ARHGAP12: variants seen among roughly 807,000 people sequenced by gnomAD.
The protein encoded by ARHGAP12 is Rho GTPase activating protein 12, also known as rho GTPase-activating protein 12.
Under a neutral mutation model 108.6 loss-of-function variants are expected in ARHGAP12, and 64 were observed. That is an observed-to-expected ratio of 0.59 (90% CI 0.48 to 0.73). The LOEUF (loss-of-function observed/expected upper bound fraction) is 0.73. Among genes scored for constraint, ARHGAP12 ranks in the 30% least tolerant of loss-of-function variants. ARHGAP12 has a pLI of 0.00. For synonymous variants in ARHGAP12, 312 were observed against 337.2 expected (o/e 0.93, Z 0.82); for missense variants, 940 against 1,005.9 (o/e 0.93, Z 0.89).
At chr10:31,892,717 A>T (rs74541695) in intron 3 of ARHGAP12, among the ~76,000 whole-genome samples, 2 of 152,220 alleles carry the variant, frequency 1.3e-5, no homozygotes, top group African/African-American at 4.8e-5. Context: ...TAACAAGCAT[A>T]TCCAGGAATT....
At chr10:31,911,845 T>C (rs924110721) in intron 1 of ARHGAP12, among the ~76,000 whole-genome samples, 2 of 152,188 alleles carry the variant, frequency 1.3e-5, no homozygotes, top group African/African-American at 4.8e-5. Context: ...GACATTCTAT[T>C]AGACAACAGA....
At position 31,810,702 on chromosome 10, in the gene ARHGAP12, TTCTC is replaced by T; in HGVS notation, c.1993_1996del (p.Glu665MetfsTer8). 6.2e-7 allele frequency: 1 copy of T among 1,609,222 alleles called. No homozygotes were observed. The highest frequency in any genetic ancestry group is 8.5e-7 in the Non-Finnish European group (1 of 1,178,030). ...CTTCACAAACTTTGGTACTGTGCCATTCTCTCTCTGACACAGATTAGCGAGATTG... is the reference window on the plus strand; with the variant it reads ...CTTCACAAACTTTGGTACTGTGCCATTCTCTGACACAGATTAGCGAGATTG... On this transcript the variant is annotated frameshift_variant, in exon 16 of 20. Coordinates refer to ENST00000344936, the MANE Select transcript of ARHGAP12 (RefSeq NM_018287.7). LOFTEE classifies it high-confidence loss of function.
intron 3 of ARHGAP12, among the ~76,000 whole-genome samples, chr10:31,883,756 G>C (rs1739898884): frequency 6.7e-6 from 1 of 149,910 alleles, no homozygotes. Flanking sequence ...CTGTCACCCA[G>C]GCTGGAGTTC....
At chr10:31,907,677 C>A (rs899923785) in intron 3 of ARHGAP12, among the ~76,000 whole-genome samples, 1 of 150,916 alleles carries the variant, frequency 6.6e-6, no homozygotes, top group East Asian at 1.9e-4. Flanking sequence ...AAAAATTTTT[C>A]CAGACTAATA....
At chr10:31,838,934 G>A (rs574324806) in intron 9 of ARHGAP12, among the ~76,000 whole-genome samples, 1 of 151,946 alleles carries the variant, frequency 6.6e-6, no homozygotes, top group Non-Finnish European at 1.5e-5. Context: ...CCTGGTGGGG[G>A]AGGGGCAGGT....
At chr10:31,872,001 T>C (rs2132337426) in intron 3 of ARHGAP12, among the ~76,000 whole-genome samples, 1 of 152,334 alleles carries the variant, frequency 6.6e-6, no homozygotes, top group East Asian at 1.9e-4. Flanking sequence ...CTACAGCTCA[T>C]CATAGTACTT....
intron 6 of ARHGAP12, among the ~76,000 whole-genome samples, chr10:31,844,310 GAT>G (rs1836371763): frequency 6.6e-6 from 1 of 152,132 alleles, no homozygotes; most frequent in East Asian, 1.9e-4. Flanking sequence ...GATATTCTTT[GAT>G]ATATCTTTCC....
chr10:31,859,874 A>G (rs1295287230), intron 4 of ARHGAP12, among the ~76,000 whole-genome samples: 1 of 150,708 alleles, frequency 6.6e-6, no homozygotes, highest in East Asian at 1.9e-4. Context: ...GGCTCACTGC[A>G]GTCTCCACCT....
Position 31,841,565 on chromosome 10 carries a change from A to G in ARHGAP12, c.1297-1854T>C, listed in dbSNP as rs573226901. 2.0e-5 allele frequency among the ~76,000 whole-genome samples: 3 copies of G among 152,300 alleles called. No homozygotes were observed. The South Asian group carries it at 6.2e-4, about 32-fold the overall frequency. Reference sequence around the variant, plus strand: ...CAGGGTAAACAGATTACAACGGTAAATAATTGATATTCTACAGTGTACCAT... The same window carrying G: ...CAGGGTAAACAGATTACAACGGTAAGTAATTGATATTCTACAGTGTACCAT... On this transcript the variant is annotated intron_variant, in intron 7 of 19. Coordinates refer to ENST00000344936, the MANE Select transcript of ARHGAP12 (RefSeq NM_018287.7).
At chr10:31,874,198 T>C (rs972570529) in intron 3 of ARHGAP12, among the ~76,000 whole-genome samples, 3 of 152,206 alleles carry the variant, frequency 2.0e-5, no homozygotes, top group Non-Finnish European at 4.4e-5. Flanking sequence ...AAAAAATTGA[T>C]CCATAGTTTT....
rs573366296 is a variant in ARHGAP12, at chr10:31,905,143, A to C, written c.684+3029T>G. On this transcript the variant is annotated intron_variant, in intron 3 of 19. Transcript: ENST00000344936. ...AAATTCATCAAGCCATACACTGAAA[A>C]TTAGTAATATTTACACCCTTGCTAT... Among the ~76,000 whole-genome samples, 5 of 152,284 alleles carry C rather than the reference A, an allele frequency of 3.3e-5. No homozygotes were observed. In the East Asian group the frequency reaches 9.6e-4, roughly 29 times the overall value.
In ARHGAP12 at chr10:31,817,777, C is replaced by G. The variant is rs1391374440; in HGVS notation, c.1731+11G>C. 2.6e-6 allele frequency: 4 copies of G among 1,538,832 alleles called. No individual in the cohort carries two copies. In the East Asian group the frequency reaches 9.5e-5, roughly 37 times the overall value. On this transcript the variant is annotated intron_variant, in intron 13 of 19. Coordinates refer to ENST00000344936, the MANE Select transcript of ARHGAP12 (RefSeq NM_018287.7). The stretch of plus-strand genomic sequence containing the variant: ...TCTGAAGTAAAAATTTTACCTAAGT[C>G]AACGACATACCTGATTATTGATTGT...
At chr10:31,831,520 T>C (rs987771019) in intron 10 of ARHGAP12, among the ~76,000 whole-genome samples, 1 of 152,082 alleles carries the variant, frequency 6.6e-6, no homozygotes, top group African/African-American at 2.4e-5. Context: ...CTCAGAACCC[T>C]CTGCCTCATT....
intron 3 of ARHGAP12, among the ~76,000 whole-genome samples, chr10:31,895,180 T>G (rs1041632611): frequency 6.6e-6 from 1 of 152,158 alleles, no homozygotes; most frequent in Non-Finnish European, 1.5e-5. Flanking sequence ...ATTCAGGACA[T>G]AGGCATGGGC....
intron 6 of ARHGAP12, among the ~76,000 whole-genome samples, chr10:31,848,462 T>C (rs1462120108): frequency 6.6e-6 from 1 of 152,208 alleles, no homozygotes; most frequent in African/African-American, 2.4e-5. Flanking sequence ...TCAAATACTG[T>C]TTCCACACCA....
chr10:31,815,132 AAAAAG>A (rs576805567), intron 13 of ARHGAP12, among the ~76,000 whole-genome samples: 3,090 of 151,284 alleles, frequency 0.02, 124 homozygotes, highest in African/African-American at 0.071. Flanking sequence ...AAAAAAAAAA[AAAAAG>A]AAAGAAAGAA....
chr10:31,928,837 A>C (rs147217006), upstream of ARHGAP12: 1 of 151,708 alleles, frequency 6.6e-6, no homozygotes, highest in Non-Finnish European at 1.5e-5. Flanking sequence ...GTTACAGGGC[A>C]CGTCGGAGCG....
intron 3 of ARHGAP12, among the ~76,000 whole-genome samples, chr10:31,903,643 A>C (rs1839012253): frequency 6.6e-6 from 1 of 152,204 alleles, no homozygotes. Context: ...CTCTGCAAAG[A>C]CACTATCAAG....
chr10:31,844,922 A>G (rs1324025462), intron 6 of ARHGAP12, among the ~76,000 whole-genome samples: 1 of 152,172 alleles, frequency 6.6e-6, no homozygotes, highest in Admixed American at 6.5e-5. Context: ...TCCCCAAAAA[A>G]GTGAGGGAAG....
Sources: allele counts gnomAD v4.1 joint callset (sites outside exome capture counted in the v4.1 genomes callset), GRCh38; gene constraint gnomAD v4.1.1; transcripts MANE v1.5; gene names NCBI Gene and HGNC (gene_info 2026-07-23, HGNC 2026-07-21).